The following DAB2IP variants were observed in gnomAD, a reference collection of about 807,000 sequenced individuals.
The protein encoded by DAB2IP is disabled homolog 2-interacting protein.
In DAB2IP, 28 loss-of-function variants were observed where a neutral mutation model predicts 107.2. The ratio of observed to expected loss-of-function variants is 0.26; its 90% CI spans 0.19 to 0.36. DAB2IP has a LOEUF of 0.36. Among genes scored for constraint, DAB2IP ranks in the 10% least tolerant of loss-of-function variants. The pLI is 1.00. For synonymous variants in DAB2IP, 755 were observed against 706.4 expected (o/e 1.07, Z -1.09); for missense variants, 1,400 against 1,644.7 (o/e 0.85, Z 2.57).
At chr9:121,721,475 C>A (rs976766029) in intron 3 of DAB2IP, among the ~76,000 whole-genome samples, 18 of 152,236 alleles carry the variant, frequency 1.2e-4, no homozygotes, top group Non-Finnish European at 5.9e-5. Context: ...CCTGCCATGT[C>A]CTGCCTGTTG....
intron 3 of DAB2IP, among the ~76,000 whole-genome samples, chr9:121,730,296 C>A (rs1831453032): frequency 6.6e-6 from 1 of 152,220 alleles, no homozygotes; most frequent in South Asian, 2.1e-4. Context: ...CAATTATTTT[C>A]TCGAAGACAG....
chr9:121,658,613 C>T (rs1238554995), intron 1 of DAB2IP, among the ~76,000 whole-genome samples: 1 of 152,142 alleles, frequency 6.6e-6, no homozygotes, highest in Non-Finnish European at 1.5e-5. Flanking sequence ...GCTGTGATTT[C>T]CCAGTTGCAT....
intron 1 of DAB2IP, among the ~76,000 whole-genome samples, chr9:121,614,345 T>C (rs953328148): frequency 6.9e-6 from 1 of 145,700 alleles, no homozygotes; most frequent in Non-Finnish European, 1.5e-5. Context: ...TTCTTTTTTT[T>C]TTTTTTTTTT....
intron 6 of DAB2IP, among the ~76,000 whole-genome samples, chr9:121,762,219 C>A (rs1489796946): frequency 3.3e-5 from 5 of 152,144 alleles, no homozygotes; most frequent in African/African-American, 1.2e-4. Flanking sequence ...GGCTGTGTGG[C>A]CTTGGACAAG....
At chr9:121,721,084 T>A (rs932860270) in intron 3 of DAB2IP, among the ~76,000 whole-genome samples, 1 of 152,170 alleles carries the variant, frequency 6.6e-6, no homozygotes, top group African/African-American at 2.4e-5. Flanking sequence ...TCACTGTCCA[T>A]GGGCTGGGGA....
intron 1 of DAB2IP, among the ~76,000 whole-genome samples, chr9:121,646,215 A>G (rs1832530664): frequency 1.3e-5 from 2 of 152,092 alleles, no homozygotes; most frequent in African/African-American, 4.8e-5. Context: ...GTCATTAAAT[A>G]TATCGGTGGC....
intron 1 of DAB2IP, among the ~76,000 whole-genome samples, chr9:121,664,382 T>C (rs962417558): frequency 6.6e-5 from 10 of 152,262 alleles, no homozygotes; most frequent in African/African-American, 2.4e-4. Context: ...CTAGGTCCTT[T>C]GGTTTGCCAT....
intron 1 of DAB2IP, among the ~76,000 whole-genome samples, chr9:121,658,897 G>A (rs1833081534): frequency 6.6e-6 from 1 of 152,200 alleles, no homozygotes; most frequent in African/African-American, 2.4e-5. Flanking sequence ...CAGCTGCTGG[G>A]TACCTGAGAG....
At chr9:121,664,799 C>A (rs935140278) in intron 1 of DAB2IP, among the ~76,000 whole-genome samples, 1 of 152,168 alleles carries the variant, frequency 6.6e-6, no homozygotes, top group African/African-American at 2.4e-5. Flanking sequence ...TTCCCCTTCC[C>A]GCTAACTTCC....
At position 121,772,779 on chromosome 9, in the gene DAB2IP, C is replaced by G; in HGVS notation, c.2251C>G (p.Leu751Val). The G allele has an allele frequency of 3.7e-6, 6 of 1,613,496 alleles. No individual in the cohort carries two copies. In the South Asian group the frequency reaches 5.5e-5, roughly 15 times the overall value. The stretch of plus-strand genomic sequence containing the variant: ...TGGCAAGAGCCTCTCCATGGTGGAC[C>G]TCCAGGACGCCCGCACGCTGGATGG... Residue 751 changes from leucine (L) to valine (V), a missense_variant, in exon 12 of 16, where the codon CTC becomes GTC. Coordinates refer to ENST00000408936, the Ensembl canonical transcript of DAB2IP. The surrounding 1 kb of genome is among the most constrained non-coding windows in gnomAD (Gnocchi z 4.7).
At chr9:121,606,177 A>G (rs1830864181) in intron 1 of DAB2IP, among the ~76,000 whole-genome samples, 1 of 152,130 alleles carries the variant, frequency 6.6e-6, no homozygotes, top group African/African-American at 2.4e-5. Flanking sequence ...CCCCGTCTGT[A>G]ATAAAAATAC....
At chr9:121,719,860 A>G (rs1564177848) in intron 3 of DAB2IP, among the ~76,000 whole-genome samples, 1 of 152,190 alleles carries the variant, frequency 6.6e-6, no homozygotes, top group Non-Finnish European at 1.5e-5. Context: ...GGTGGCCACC[A>G]CCTGTTTGGG....
intron 13 of DAB2IP, among the ~76,000 whole-genome samples, chr9:121,774,946 G>C (rs747196109): frequency 2.0e-5 from 3 of 152,186 alleles, no homozygotes; most frequent in Non-Finnish European, 4.4e-5. Flanking sequence ...ACCAGCTTGG[G>C]GGGTGGGGTC....
At chr9:121,578,939 T>C (rs1830128784) in intron 1 of DAB2IP, among the ~76,000 whole-genome samples, 1 of 151,572 alleles carries the variant, frequency 6.6e-6, no homozygotes, top group Admixed American at 6.6e-5. Flanking sequence ...TCAACACCAC[T>C]CCCTGCCCCA....
At chr9:121,742,940 C>T (rs920738081) in intron 3 of DAB2IP, 45 of 985,310 alleles carry the variant, frequency 4.6e-5, no homozygotes, top group Non-Finnish European at 5.1e-5. Context: ...CCTCATCTTG[C>T]CCCCTTCTTT....
In DAB2IP at chr9:121,594,460, C is replaced by T. The variant is rs1202924163; in HGVS notation, c.40+27232C>T. ...CCATGTTGACCAGGCTGGTCTCGAA[C>T]TCCTGACCTCAGGTGATCTACCCGC... On this transcript the variant is annotated intron_variant, in intron 1 of 16. Coordinates refer to the DAB2IP transcript ENST00000259371. Among the ~76,000 whole-genome samples the T allele has an allele frequency of 2.6e-5, 4 of 152,096 alleles. 1 individual carries two copies. Among genetic ancestry groups the T allele is most frequent in the South Asian group, 4.2e-4 (2 of 4,816 alleles).
rs917202785 is a variant in DAB2IP, at chr9:121,742,942, C to T, written c.363-14071C>T. On this transcript the variant is annotated intron_variant, in intron 3 of 15. Transcript: ENST00000408936. ...GACAGGTGAGACTCCTCATCTTGCC[C>T]CCTTCTTTCTTCATCATGAAGAAGA... The T allele has an allele frequency of 2.6e-4, 256 of 985,344 alleles. 1 individual carries two copies. Among genetic ancestry groups the T allele is most frequent in the Admixed American group, 1.4e-3 (23 of 16,266 alleles). The allele number at this position is 985,344 out of a possible 1,614,324, so 61.0% of individuals were successfully genotyped here. A position where few individuals can be genotyped will look rare whatever the true frequency, so the allele number is the denominator to read the frequency against.
intron 1 of DAB2IP, among the ~76,000 whole-genome samples, chr9:121,616,197 G>A (rs919265617): frequency 1.3e-5 from 2 of 152,192 alleles, no homozygotes; most frequent in Non-Finnish European, 2.9e-5. Flanking sequence ...CAGGATGCAG[G>A]CGAGGGAGGG....
In DAB2IP at chr9:121,651,647, A is replaced by G; in HGVS notation, c.-129A>G. 9.3e-7 allele frequency: 1 copy of G among 1,070,460 alleles called. No homozygotes were observed. The highest frequency in any genetic ancestry group is 1.7e-5 in the African/African-American group (1 of 59,356). The allele number at this position is 1,070,460 out of a possible 1,614,324, so 66.3% of individuals were successfully genotyped here. On this transcript the variant is annotated 5_prime_UTR_variant, in exon 1 of 16. Coordinates refer to ENST00000408936, the Ensembl canonical transcript of DAB2IP. This position sits in a 1 kb window ranked among gnomAD's most constrained non-coding sequence, Gnocchi z 5.1. ...AGGAGTTTGAGCGACTTTGTGGGGC[A>G]GCCAGGGCCTCGGCGGCCGCTCGGG...
Sources: allele counts gnomAD v4.1 joint callset (sites outside exome capture counted in the v4.1 genomes callset), GRCh38; gene constraint gnomAD v4.1.1; non-coding constraint Gnocchi (gnomAD v3.1); transcripts MANE v1.5; gene names NCBI Gene and HGNC (gene_info 2026-07-23, HGNC 2026-07-21).